NUGGC: variants seen among roughly 807,000 people sequenced by gnomAD.
The protein encoded by NUGGC is nuclear GTPase SLIP-GC.
NUGGC carries 58 observed loss-of-function variants against 92.6 expected under a neutral mutation model. The ratio of observed to expected loss-of-function variants is 0.63; its 90% CI spans 0.51 to 0.78. The LOEUF (loss-of-function observed/expected upper bound fraction) is 0.78, where lower values mean the gene tolerates loss of function less well. Ranked by LOEUF, NUGGC falls within the 30% of genes least tolerant of loss-of-function variation. The probability of loss-of-function intolerance (pLI) is 0.00; values close to 1 mark genes in which losing one functional copy is unlikely to be tolerated. For missense variants in NUGGC, 925 were observed against 964.6 expected (o/e 0.96, Z 0.54); for synonymous variants, 376 against 366.4 (o/e 1.03, Z -0.30).
At chr8:28,025,382 A>C (rs1809231341) in intron 18 of NUGGC, among the ~76,000 whole-genome samples, 1 of 152,206 alleles carries the variant, frequency 6.6e-6, no homozygotes, top group Non-Finnish European at 1.5e-5. Flanking sequence ...TTGACATCAA[A>C]CTGAGGGGAG....
At chr8:28,060,199 C>T (rs1810261912) in intron 8 of NUGGC, 1 of 654,664 alleles carries the variant, frequency 1.5e-6, no homozygotes, top group Non-Finnish European at 2.8e-6. Context: ...GTAGGGGACA[C>T]CAGCTTGGCA....
chr8:28,074,640 GT>G (rs1265717662), intron 1 of NUGGC, among the ~76,000 whole-genome samples, 184 bp from the exon 2 acceptor site: 1 of 152,124 alleles, frequency 6.6e-6, no homozygotes, highest in Non-Finnish European at 1.5e-5. Context: ...TTGAACACTG[GT>G]TTCCAATAAT....
At chr8:28,069,749 A>T (rs567740096) in intron 3 of NUGGC, 97 bp from the exon 4 acceptor site, 2 of 749,734 alleles carry the variant, frequency 2.7e-6, no homozygotes, top group Admixed American at 4.1e-5. Flanking sequence ...AGAGAAGGGA[A>T]AAAAAAAATG....
intron 10 of NUGGC, among the ~76,000 whole-genome samples, chr8:28,048,911 CT>C (rs1563221070): frequency 6.8e-6 from 1 of 147,632 alleles, no homozygotes; most frequent in East Asian, 2.0e-4. Flanking sequence ...TTGAGGGAGT[CT>C]TTTTTTGTGC....
chr8:28,023,345 T>C lies in NUGGC; in HGVS notation c.2363A>G (p.Lys788Arg), dbSNP rs1200396753. Reference protein sequence around the residue: ...QEFLLRASPSKAGPPGTSL With the variant: ...QEFLLRASPSRAGPPGTSL ...CAGTGATGTCCCGGGGGGGCCAGCC[T>C]TGCTGGGGGATGCCCTTAGGAGGAA... The change falls in exon 19 of 19, where the codon AAG (lysine) becomes AGG (arginine). Residue 788 changes from lysine to arginine, a missense_variant. By Grantham distance (26) the Lys-to-Arg change is conservative. Transcript: ENST00000413272. 1 of 1,613,872 alleles carries C rather than the reference T, an allele frequency of 6.2e-7. No individual in the cohort carries two copies. Among genetic ancestry groups the C allele is most frequent in the African/African-American group, 1.3e-5 (1 of 75,068 alleles).
Position 28,060,590 on chromosome 8 carries a change from C to T in NUGGC, c.933G>A (p.Lys311=), listed in dbSNP as rs751143555. 1.9e-6 allele frequency: 3 copies of T among 1,611,174 alleles called. No individual in the cohort carries two copies. Among genetic ancestry groups the T allele is most frequent in the Admixed American group, 1.7e-5 (1 of 59,060 alleles). The change falls in exon 8 of 19, where the codon AAG becomes AAA. Residue 311 remains lysine (K), a synonymous_variant. Transcript: ENST00000413272. ...CGCTGATCACCCAGATCACTGAGCA[C>T]TTGTCAATGGTCTGCAAAACATGAC... is the stretch of plus-strand genomic sequence containing the variant. ...RDEMWKKTID[K]CSVIWVISDI... is the part of the protein sequence containing the mutation.
At chr8:28,078,182 T>C (rs1233601288) in intron 1 of NUGGC, among the ~76,000 whole-genome samples, 1 of 152,200 alleles carries the variant, frequency 6.6e-6, no homozygotes. Context: ...GAACTCTAAC[T>C]GAAATTTGGA....
chr8:28,069,059 G>C (rs143451887), intron 4 of NUGGC, among the ~76,000 whole-genome samples: 5 of 152,286 alleles, frequency 3.3e-5, no homozygotes, highest in African/African-American at 1.2e-4. Flanking sequence ...GAAATACAAT[G>C]TATACAGACA....
intron 2 of NUGGC, among the ~76,000 whole-genome samples, chr8:28,071,712 C>T (rs1810594912): frequency 2.6e-5 from 4 of 152,112 alleles, no homozygotes; most frequent in Admixed American, 2.6e-4. Flanking sequence ...AAAACACCCC[C>T]TGGTCATGTT....
chr8:28,045,626 G>A lies in NUGGC; in HGVS notation c.1347C>T (p.Ser449=), dbSNP rs761336166. ...IPKLREYIRK[S]LLDKKKRTVT... ...CTGTCCTCTTCTTCTTGTCCAAGAG[G>A]CTCTTCCTGATGTATTCTCTTAACT... Residue 449 remains serine (S), a synonymous_variant, in exon 12 of 19, where the codon AGC becomes AGT. Coordinates refer to ENST00000413272, the MANE Select transcript of NUGGC (RefSeq NM_001010906.2). The A allele has an allele frequency of 1.2e-6, 2 of 1,612,718 alleles. No homozygotes were observed. Among genetic ancestry groups the A allele is most frequent in the African/African-American group, 2.7e-5 (2 of 74,866 alleles).
intron 1 of NUGGC, among the ~76,000 whole-genome samples, chr8:28,077,876 A>G (rs979093753): frequency 2.6e-5 from 4 of 152,210 alleles, no homozygotes; most frequent in Admixed American, 1.3e-4. Context: ...GGGACCTTCA[A>G]TTGAGAGAGC....
intron 13 of NUGGC, among the ~76,000 whole-genome samples, chr8:28,037,039 C>A: frequency 6.6e-6 from 1 of 152,278 alleles, no homozygotes; most frequent in East Asian, 1.9e-4. Flanking sequence ...TAACGCTGTA[C>A]ATACAGCTCG....
intron 10 of NUGGC, among the ~76,000 whole-genome samples, chr8:28,051,145 T>C (rs981568277): frequency 6.6e-6 from 1 of 152,162 alleles, no homozygotes; most frequent in East Asian, 1.9e-4. Flanking sequence ...TTTAATGTTA[T>C]TCTCGCTAAA....
chr8:28,039,620 G>A (rs1351814172), intron 13 of NUGGC, among the ~76,000 whole-genome samples: 2 of 152,100 alleles, frequency 1.3e-5, no homozygotes, highest in African/African-American at 4.8e-5. Context: ...GGTATCATCG[G>A]TGCACATAGA....
chr8:28,044,336 A>G (rs1336916905), intron 12 of NUGGC, among the ~76,000 whole-genome samples: 3 of 152,216 alleles, frequency 2.0e-5, no homozygotes, highest in African/African-American at 7.2e-5. Context: ...GGACAAGCAG[A>G]GGCTGTTTAT....
intron 10 of NUGGC, among the ~76,000 whole-genome samples, chr8:28,053,139 T>C (rs115689048): frequency 0.02 from 3,012 of 152,150 alleles, 96 homozygotes; most frequent in African/African-American, 0.068. Flanking sequence ...AGAACTTCTG[T>C]CTCATGTTTT....
At position 28,029,370 on chromosome 8, in the gene NUGGC, C is replaced by T; in HGVS notation, c.2050G>A (p.Glu684Lys). The change falls in exon 17 of 19, where the codon GAG (glutamate) becomes AAG (lysine). Residue 684 changes from glutamate to lysine, a missense_variant. By Grantham distance (56) the Glu-to-Lys change is moderately conservative. Transcript: ENST00000413272. ...AAQITGKKAC[E>K]RMKDAIRRGV... Reference sequence around the variant, plus strand: ...CTTCTGATGGCATCTTTCATCCGCTCACACGCTTTTTTGCCCGTGATCTGA... The same window carrying T: ...CTTCTGATGGCATCTTTCATCCGCTTACACGCTTTTTTGCCCGTGATCTGA... 3 of 1,612,666 alleles carry T rather than the reference C, an allele frequency of 1.9e-6. No individual in the cohort carries two copies. In the South Asian group the frequency reaches 3.3e-5, roughly 18 times the overall value.
At chr8:28,067,050 A>G (rs542332943) in intron 6 of NUGGC, among the ~76,000 whole-genome samples, 1 of 152,300 alleles carries the variant, frequency 6.6e-6, no homozygotes, top group South Asian at 2.1e-4. Flanking sequence ...CCAGGAGGCT[A>G]GCATGAAGTC....
chr8:28,026,429 C>T (rs1483488056), intron 18 of NUGGC, among the ~76,000 whole-genome samples: 1 of 152,220 alleles, frequency 6.6e-6, no homozygotes, highest in African/African-American at 2.4e-5. Flanking sequence ...CCAAGGTCCA[C>T]AGCTGGGGCC....
Sources: gnomAD v4.1 joint callset for allele counts (sites outside exome capture counted in the v4.1 genomes callset) on GRCh38, gnomAD v4.1.1 for gene constraint, MANE v1.5 for transcripts, NCBI Gene and HGNC (gene_info 2026-07-23, HGNC 2026-07-21) for gene names.